ANKHD1: variants seen among roughly 807,000 people sequenced by gnomAD.
ANKHD1 encodes ankyrin repeat and KH domain-containing protein 1.
Under a neutral mutation model 230.5 loss-of-function variants are expected in ANKHD1, and 31 were observed. The ratio of observed to expected loss-of-function variants is 0.13; its 90% CI spans 0.10 to 0.18. The LOEUF is 0.18. Among genes scored for constraint, ANKHD1 ranks in the 10% least tolerant of loss-of-function variants. The probability of loss-of-function intolerance (pLI) is 1.00; values close to 1 mark genes in which losing one functional copy is unlikely to be tolerated. For missense variants in ANKHD1, 2,256 were observed against 3,071.3 expected, an observed-to-expected ratio of 0.73 and a Z score of 6.27; for synonymous variants, 1,074 against 1,117.6, an observed-to-expected ratio of 0.96 and a Z score of 0.78.
intron 24 of ANKHD1, among the ~76,000 whole-genome samples, chr5:140,517,435 C>T (rs1220021103): frequency 4.0e-5 from 6 of 151,316 alleles, no homozygotes; most frequent in South Asian, 2.1e-4. Context: ...CTGCACCAAG[C>T]GGACCTAATA....
At chr5:140,488,299 C>T (rs548042609) in intron 14 of ANKHD1, among the ~76,000 whole-genome samples, 14 of 151,958 alleles carry the variant, frequency 9.2e-5, no homozygotes, top group African/African-American at 3.4e-4. Context: ...AAATAAGAAT[C>T]ATTGGCCGGG....
At chr5:140,503,236 A>AT (rs1215110351) in intron 15 of ANKHD1, among the ~76,000 whole-genome samples, 1 of 151,702 alleles carries the variant, frequency 6.6e-6, no homozygotes, top group Non-Finnish European at 1.5e-5. Context: ...TGCTTTGTTG[A>AT]TTTTTTTGTA....
At chr5:140,494,939 G>A (rs1751960002) in intron 14 of ANKHD1, among the ~76,000 whole-genome samples, 1 of 152,086 alleles carries the variant, frequency 6.6e-6, no homozygotes, top group Non-Finnish European at 1.5e-5. Context: ...ACAATGCAAT[G>A]AGTTTTAGTA....
chr5:140,417,269 A>C (rs1771468002), intron 1 of ANKHD1, among the ~76,000 whole-genome samples: 1 of 152,088 alleles, frequency 6.6e-6, no homozygotes, highest in African/African-American at 2.4e-5. Flanking sequence ...GTCTTGGAAA[A>C]ATTATCTCAA....
At position 140,528,806 on chromosome 5, in the gene ANKHD1, A is replaced by C; in HGVS notation, c.5860A>C (p.Thr1954Pro). The C allele has an allele frequency of 6.2e-7, 1 of 1,613,626 alleles. No homozygotes were observed. The highest frequency in any genetic ancestry group is 8.5e-7 in the Non-Finnish European group (1 of 1,179,944). ...SQQLCVTNTR[T>P]PSSVRKQLFA... ...GCAACTGTGTGTCACTAATACCCGG[A>C]CTCCTTCATCAGTCAGAAAGCAGTT... The change falls in exon 29 of 34, where the codon ACT becomes CCT. Residue 1954 changes from threonine (T) to proline (P), a missense_variant. Physicochemically the swap from Thr to Pro is conservative, Grantham distance 38. Around this residue, in one of 13 missense-constraint regions of ANKHD1, gnomAD observed 778 missense variants for 966.5 expected, o/e 0.80. Transcript: ENST00000360839.
At chr5:140,404,310 G>A (rs924438825) in intron 1 of ANKHD1, among the ~76,000 whole-genome samples, 2 of 152,084 alleles carry the variant, frequency 1.3e-5, no homozygotes, top group Non-Finnish European at 2.9e-5. Flanking sequence ...ATCTGAAAGA[G>A]TTTGCTTTGG....
At chr5:140,495,249 CTTT>C (rs70988766) in intron 14 of ANKHD1, among the ~76,000 whole-genome samples, 11 of 123,710 alleles carry the variant, frequency 8.9e-5, no homozygotes, top group Admixed American at 1.6e-4. Flanking sequence ...AATAGTCCTA[CTTT>C]TTTTTTTTTT....
intron 10 of ANKHD1, among the ~76,000 whole-genome samples, chr5:140,475,398 C>G (rs1750906212): frequency 6.6e-6 from 1 of 152,148 alleles, no homozygotes; most frequent in African/African-American, 2.4e-5. Flanking sequence ...TGTAGTACAT[C>G]AGTAGATCTA....
intron 24 of ANKHD1, among the ~76,000 whole-genome samples, chr5:140,518,688 A>G (rs1222000802): frequency 6.6e-6 from 1 of 152,214 alleles, no homozygotes; most frequent in African/African-American, 2.4e-5. Context: ...AGACAAAACC[A>G]CATGATTATC....
rs745530759 is a variant in ANKHD1, at chr5:140,438,470, A to G, written c.470A>G (p.Lys157Arg). 3.7e-6 allele frequency: 6 copies of G among 1,605,658 alleles called. No individual in the cohort carries two copies. The highest frequency in any genetic ancestry group is 2.6e-6 in the Non-Finnish European group (3 of 1,175,676). Residue 157 changes from lysine to arginine, a missense_variant, in exon 3 of 34, where the codon AAA (lysine) becomes AGA (arginine). Physicochemically the swap from Lys to Arg is conservative, Grantham distance 26 (BLOSUM62 2). Coordinates refer to ENST00000360839, the MANE Select transcript of ANKHD1 (RefSeq NM_017747.3). ...TTGATGCACACTGAAGGAATTGGCA[A>G]ATTGTCAACTGCTGATGGTAAAGCT... ...EALLEAAGIG[K>R]LSTADGKAFA...
At chr5:140,509,326 C>G (rs1266638212) in intron 20 of ANKHD1, among the ~76,000 whole-genome samples, 1 of 152,118 alleles carries the variant, frequency 6.6e-6, no homozygotes, top group Non-Finnish European at 1.5e-5. Context: ...TTTTTAATAT[C>G]TCTATTCATT....
At chr5:140,451,377 A>G (rs1172423842) in intron 7 of ANKHD1, among the ~76,000 whole-genome samples, 1 of 152,216 alleles carries the variant, frequency 6.6e-6, no homozygotes, top group Non-Finnish European at 1.5e-5. Context: ...TATTTGAAGT[A>G]TTAGTAAAAC....
chr5:140,455,276 A>G (rs1323433116), intron 7 of ANKHD1, among the ~76,000 whole-genome samples: 1 of 152,240 alleles, frequency 6.6e-6, no homozygotes, highest in Non-Finnish European at 1.5e-5. Context: ...GCTGAATTCT[A>G]CCAGAGGTAC....
rs746109544 is a variant in ANKHD1, at chr5:140,496,750, G to C, written c.2476G>C (p.Glu826Gln). The C allele has an allele frequency of 1.2e-6, 2 of 1,613,854 alleles. No homozygotes were observed. Among genetic ancestry groups the C allele is most frequent in the Non-Finnish European group, 1.7e-6 (2 of 1,179,958 alleles). ...AGAAGAACTTAAAAAGAACAGAGAAGAGCAAGTCCAGAAGAAGAAGAAAAT... is the reference window on the plus strand; with the variant it reads ...AGAAGAACTTAAAAAGAACAGAGAACAGCAAGTCCAGAAGAAGAAGAAAAT... ...KIEELKKNREEQVQKKKKILK... is the reference protein window; with the variant it reads ...KIEELKKNREQQVQKKKKILK... The change falls in exon 15 of 34, where the codon GAG (glutamate) becomes CAG (glutamine). Residue 826 changes from glutamate to glutamine, a missense_variant. Physicochemically the swap from Glu to Gln is conservative, Grantham distance 29 (BLOSUM62 2). Transcript: ENST00000360839.
At chr5:140,415,851 A>C (rs755425065) in intron 1 of ANKHD1, among the ~76,000 whole-genome samples, 1 of 151,962 alleles carries the variant, frequency 6.6e-6, no homozygotes, top group Non-Finnish European at 1.5e-5. Flanking sequence ...GGTTTGTTAC[A>C]TATGTACACA....
At chr5:140,516,808 A>G (rs1188109412) in intron 24 of ANKHD1, among the ~76,000 whole-genome samples, 1 of 151,934 alleles carries the variant, frequency 6.6e-6, no homozygotes, top group African/African-American at 2.4e-5. Flanking sequence ...ATGGAAAGGA[A>G]CAACCGGTAC....
rs746656845 is a variant in ANKHD1 at position 140,440,074 on chromosome 5, C to T, written c.618-45C>T. The stretch of plus-strand genomic sequence containing the variant: ...TTAATATAATTTATCATAGGACCCC[C>T]GAGTCTTTTTGTTTCGGTTAATTGT... On this transcript the variant is annotated intron_variant, in intron 3 of 33. Transcript: ENST00000360839. 2.5e-5 allele frequency: 37 copies of T among 1,504,802 alleles called. No individual in the cohort carries two copies. In the Middle Eastern group the frequency reaches 1.1e-3, roughly 43 times the overall value. 93.2% of individuals were successfully genotyped at this position (1,504,802 alleles called of 1,614,324 possible).
chr5:140,429,537 A>G (rs1026438264), intron 1 of ANKHD1, among the ~76,000 whole-genome samples: 19 of 152,006 alleles, frequency 1.2e-4, no homozygotes, highest in Admixed American at 3.9e-4. Context: ...AAAACAATGT[A>G]TTTTTCATTT....
chr5:140,452,685 C>CAG (rs1273663040), intron 7 of ANKHD1, among the ~76,000 whole-genome samples: 5 of 152,164 alleles, frequency 3.3e-5, no homozygotes, highest in Non-Finnish European at 5.9e-5. Context: ...AACTAACAAA[C>CAG]AGAAAGGACA....
Sources: allele counts gnomAD v4.1 joint callset (sites outside exome capture counted in the v4.1 genomes callset), GRCh38; gene constraint gnomAD v4.1.1; regional missense constraint gnomAD v4.1.1; transcripts MANE v1.5; gene names NCBI Gene and HGNC (gene_info 2026-07-23, HGNC 2026-07-21).